NEK1: variants seen among roughly 807,000 people sequenced by gnomAD.
NEK1 encodes the protein serine/threonine-protein kinase Nek1.
A neutral mutation model predicts 182.1 loss-of-function variants in NEK1; 137 were observed. The observed-to-expected ratio is 0.75, with a 90% CI of 0.65 to 0.87. The LOEUF is 0.87. Among genes scored for constraint, NEK1 ranks in the 40% least tolerant of loss-of-function variants. NEK1 has a pLI of 0.00. For missense variants in NEK1, 1,391 were observed against 1,494.4 expected (o/e 0.93, Z 1.14); for synonymous variants, 513 against 492.2 (o/e 1.04, Z -0.56).
intron 27 of NEK1, among the ~76,000 whole-genome samples, 174 bp downstream of exon 27, chr4:169,463,069 T>TA (rs1432894779): frequency 1.3e-5 from 2 of 152,116 alleles, no homozygotes; most frequent in Non-Finnish European, 2.9e-5. Flanking sequence ...AACTCAAGAC[T>TA]ACCATTTGGA....
intron 9 of NEK1, among the ~76,000 whole-genome samples, chr4:169,586,161 G>GT (rs1767500796): frequency 6.6e-6 from 1 of 152,012 alleles, no homozygotes; most frequent in Admixed American, 6.6e-5. Context: ...AGGTAGGGCA[G>GT]TTTAAAATCT....
chr4:169,424,635 G>C lies in NEK1; in HGVS notation c.3140C>G (p.Ser1047Trp), dbSNP rs377607698. 2.5e-6 allele frequency: 4 copies of C among 1,613,630 alleles called. No homozygotes were observed. Among genetic ancestry groups the C allele is most frequent in the South Asian group, 2.2e-5 (2 of 91,026 alleles). Reference protein sequence around the residue: ...PEESFAFRSHSHLPPKNKNKN... With the variant: ...PEESFAFRSHWHLPPKNKNKN... ...GTTTTTATTTTTTGGTGGTAAATGC[G>C]AGTGAGATCGAAATGCAAAGGATTC... The change falls in exon 31 of 36, where the codon TCG becomes TGG. Residue 1047 changes from serine to tryptophan, a missense_variant. Ser to Trp is a radical substitution (Grantham distance 177, BLOSUM62 -3). This residue lies in a region of NEK1 where 1,216 missense variants were observed against 1,277.6 expected (regional missense o/e 0.95). Transcript: ENST00000507142.
At chr4:169,496,768 T>C (rs1196682138) in intron 23 of NEK1, among the ~76,000 whole-genome samples, 1 of 152,030 alleles carries the variant, frequency 6.6e-6, no homozygotes, top group Non-Finnish European at 1.5e-5. Context: ...TTGATCATGG[T>C]GGATAAGCTT....
chr4:169,557,367 G>T (rs75383102), intron 16 of NEK1, among the ~76,000 whole-genome samples: 2 of 151,206 alleles, frequency 1.3e-5, no homozygotes, highest in African/African-American at 4.9e-5. Context: ...AAAGGATAAG[G>T]GTAAAAGTAA....
At chr4:169,420,916 G>A (rs1289869991) in intron 31 of NEK1, among the ~76,000 whole-genome samples, 2 of 152,148 alleles carry the variant, frequency 1.3e-5, no homozygotes, top group Admixed American at 1.3e-4. Context: ...TCAATTAAAA[G>A]AGATTGTTAG....
intron 19 of NEK1, among the ~76,000 whole-genome samples, chr4:169,515,147 G>T (rs573808360): frequency 6.6e-6 from 1 of 152,012 alleles, no homozygotes; most frequent in Admixed American, 6.6e-5. Flanking sequence ...TCACCTTCCT[G>T]CTACTGATTT....
At chr4:169,536,149 T>C (rs1488949856) in intron 19 of NEK1, among the ~76,000 whole-genome samples, 1 of 151,272 alleles carries the variant, frequency 6.6e-6, no homozygotes, top group Admixed American at 6.6e-5. Context: ...ATACAAAACT[T>C]AGATGGGCGT....
At chr4:169,463,416 G>A (rs1479910534) in intron 26 of NEK1, 21 bp from the exon 27 acceptor site, 1 of 1,563,678 alleles carries the variant, frequency 6.4e-7, no homozygotes, top group East Asian at 2.3e-5. Flanking sequence ...AATATACAAA[G>A]AAACAATTTT....
At chr4:169,433,017 G>A (rs992323597) in intron 29 of NEK1, among the ~76,000 whole-genome samples, 2 of 151,230 alleles carry the variant, frequency 1.3e-5, no homozygotes, top group African/African-American at 2.4e-5. Context: ...CGTCCTCCTC[G>A]GCCTCCCAAA....
Position 169,400,352 on chromosome 4 carries a change from A to C in NEK1, c.3720T>G (p.Ile1240Met). The C allele has an allele frequency of 6.6e-7, 1 of 1,510,480 alleles. No homozygotes were observed. The highest frequency in any genetic ancestry group is 2.1e-5 in the Admixed American group (1 of 48,042). The allele number at this position is 1,510,480 out of a possible 1,614,324, so 93.6% of individuals were successfully genotyped here. ...CAATATTTTCATCTTCATCTTCATG[A>C]ATAGCCTATACCAAATTCCCAAATA... Reference protein sequence around the residue: ...FFEVYEKIKAIHEDEDENIEI... With the variant: ...FFEVYEKIKAMHEDEDENIEI... Residue 1240 changes from isoleucine (I) to methionine (M), a missense_variant, in exon 35 of 36, where the codon ATT becomes ATG. Physicochemically the swap from Ile to Met is conservative, Grantham distance 10. Transcript: ENST00000507142.
intron 23 of NEK1, among the ~76,000 whole-genome samples, chr4:169,506,133 A>G (rs1753212169): frequency 6.6e-6 from 1 of 152,028 alleles, no homozygotes; most frequent in South Asian, 2.1e-4. Context: ...GGTAAAGAAA[A>G]AGAGAGCAAA....
At chr4:169,460,183 T>C (rs75169066) in intron 27 of NEK1, among the ~76,000 whole-genome samples, 2,008 of 152,092 alleles carry the variant, frequency 0.013, 38 homozygotes, top group African/African-American at 0.046. Flanking sequence ...TATTAGTCCG[T>C]TTTCATGCTG....
At chr4:169,594,738 C>T (rs1181359602) in intron 5 of NEK1, among the ~76,000 whole-genome samples, 1 of 152,182 alleles carries the variant, frequency 6.6e-6, no homozygotes, top group Non-Finnish European at 1.5e-5. Flanking sequence ...ATACAACATG[C>T]CTGGGAAGAC....
intron 29 of NEK1, among the ~76,000 whole-genome samples, chr4:169,427,549 C>T (rs1736615750): frequency 6.6e-6 from 1 of 152,076 alleles, no homozygotes; most frequent in Admixed American, 6.6e-5. Flanking sequence ...GGCTGGAGTG[C>T]AGTGGCACAA....
At chr4:169,428,355 T>TATATATATATATATAC (rs1224881398) in intron 29 of NEK1, among the ~76,000 whole-genome samples, 3 of 141,300 alleles carry the variant, frequency 2.1e-5, no homozygotes, top group Admixed American at 7.1e-5. Context: ...ATATGGGATA[T>TATATATATATATATAC]ATATATATAT....
chr4:169,438,106 A>T lies in NEK1; in HGVS notation c.2741T>A (p.Leu914Ter). The part of the protein sequence containing the change: ...EFSEASPQMS[L>*]KLEGNLEEPD... ...ACCTTCTAAATTTCCTTCCAGTTTC[A>T]ATGACATCTGTGGAGATGCCTCACT... Residue 914 changes from leucine (L) to a stop codon, truncating the protein, a stop_gained, in exon 28 of 36, where the codon TTG becomes TAG. Coordinates refer to ENST00000507142, the MANE Select transcript of NEK1 (RefSeq NM_001199397.3). LOFTEE classifies it high-confidence loss of function. The T allele has an allele frequency of 6.2e-7, 1 of 1,611,872 alleles. No individual in the cohort carries two copies. The highest frequency in any genetic ancestry group is 1.3e-5 in the African/African-American group (1 of 75,048).
intron 26 of NEK1, among the ~76,000 whole-genome samples, chr4:169,470,192 C>T (rs75635948): frequency 0.013 from 2,002 of 152,038 alleles, 40 homozygotes; most frequent in African/African-American, 0.045. Context: ...GTTACTCTGC[C>T]CATTAGTTAG....
chr4:169,605,624 G>A (rs1211308759), intron 2 of NEK1, among the ~76,000 whole-genome samples: 1 of 152,012 alleles, frequency 6.6e-6, no homozygotes, highest in African/African-American at 2.4e-5. Context: ...TGTACTATAG[G>A]CTTCCACATA....
chr4:169,467,036 A>T (rs890622071), intron 26 of NEK1, among the ~76,000 whole-genome samples: 2 of 152,092 alleles, frequency 1.3e-5, no homozygotes, highest in African/African-American at 2.4e-5. Flanking sequence ...CTCAATGTGA[A>T]GATGATGCGG....
Sources: allele counts gnomAD v4.1 joint callset (sites outside exome capture counted in the v4.1 genomes callset), GRCh38; gene constraint gnomAD v4.1.1; regional missense constraint gnomAD v4.1.1; transcripts MANE v1.5; gene names NCBI Gene and HGNC (gene_info 2026-07-23, HGNC 2026-07-21).